PAFAH1B1: variants seen among roughly 807,000 people sequenced by gnomAD.
PAFAH1B1 encodes the protein platelet activating factor acetylhydrolase 1b regulatory subunit 1, also known as platelet-activating factor acetylhydrolase IB subunit beta.
PAFAH1B1 carries 2 observed loss-of-function variants against 57.5 expected under a neutral mutation model. The ratio of observed to expected loss-of-function variants is 0.03; its 90% CI spans 0.01 to 0.11. PAFAH1B1 has a LOEUF of 0.11. Ranked by LOEUF, PAFAH1B1 falls within the 10% of genes least tolerant of loss-of-function variation. PAFAH1B1 has a pLI of 1.00. For missense variants in PAFAH1B1, 257 were observed against 512.0 expected (o/e 0.50, Z 4.81); for synonymous variants, 152 against 169.6 (o/e 0.90, Z 0.81).
chr17:2,632,508 A>G (rs1019084216), intron 1 of PAFAH1B1, among the ~76,000 whole-genome samples: 6 of 152,076 alleles, frequency 3.9e-5, no homozygotes, highest in Non-Finnish European at 8.8e-5. Context: ...CATTTGTTTT[A>G]TAGGACTTTT....
intron 1 of PAFAH1B1, among the ~76,000 whole-genome samples, chr17:2,616,521 A>T (rs2068342970): frequency 6.6e-6 from 1 of 152,224 alleles, no homozygotes. Flanking sequence ...TTGGGAAATC[A>T]GTCTTTTCTT....
chr17:2,615,394 T>G (rs1372826506), intron 1 of PAFAH1B1, among the ~76,000 whole-genome samples: 3 of 152,176 alleles, frequency 2.0e-5, no homozygotes, highest in Non-Finnish European at 4.4e-5. Context: ...TTTAGAACCT[T>G]TAGGTGTTCA....
rs2068421993 is a variant in PAFAH1B1 at position 2,621,605 on chromosome 17, G to GTTTT, written c.-190-16493_-190-16492insTTTT. Among the ~76,000 whole-genome samples, 12 of 93,208 alleles carry GTTTT rather than the reference G, an allele frequency of 1.3e-4. 4 individuals are homozygous for GTTTT. Among genetic ancestry groups the GTTTT allele is most frequent in the African/African-American group, 4.7e-4 (10 of 21,296 alleles). The allele number at this position is 93,208 out of a possible 152,430, so 61.1% of individuals were successfully genotyped here. On this transcript the variant is annotated intron_variant, in intron 1 of 10. Coordinates refer to ENST00000397195, the MANE Select transcript of PAFAH1B1 (RefSeq NM_000430.4). Reference sequence around the variant, plus strand: ...GCTATTCAAGCATGGTAGATAATCTGTCTTTTTTTTTTTTTTTTTTTTTTT... The same window carrying GTTTT: ...GCTATTCAAGCATGGTAGATAATCTGTTTTTCTTTTTTTTTTTTTTTTTTTTTTT...
chr17:2,646,844 G>A (rs1271450143), intron 2 of PAFAH1B1, among the ~76,000 whole-genome samples: 1 of 152,098 alleles, frequency 6.6e-6, no homozygotes, highest in Non-Finnish European at 1.5e-5. Flanking sequence ...AAATCTTAAG[G>A]ACCATTTGCT....
At chr17:2,667,378 C>G in intron 5 of PAFAH1B1, 180 bp downstream of exon 5, 1 of 572,914 alleles carries the variant, frequency 1.7e-6, no homozygotes, top group South Asian at 1.9e-5. Context: ...ATTAAAAGAT[C>G]CTGAAAATGA....
intron 1 of PAFAH1B1, among the ~76,000 whole-genome samples, chr17:2,624,792 C>T (rs1462082337): frequency 2.0e-5 from 3 of 152,268 alleles, no homozygotes; most frequent in East Asian, 3.9e-4. Context: ...ATCTGCATGC[C>T]TCGGTCCATC....
chr17:2,606,314 A>G (rs965195288), intron 1 of PAFAH1B1, among the ~76,000 whole-genome samples: 2 of 152,098 alleles, frequency 1.3e-5, no homozygotes, highest in Non-Finnish European at 2.9e-5. Context: ...CCTGTCAGAA[A>G]GCCTATCATG....
chr17:2,620,957 A>T (rs1007930458), intron 1 of PAFAH1B1, among the ~76,000 whole-genome samples: 2 of 151,570 alleles, frequency 1.3e-5, no homozygotes, highest in African/African-American at 4.9e-5. Context: ...CAGCTTTTTT[A>T]AAAAATAGAT....
chr17:2,670,553 T>C (rs2069167761), intron 6 of PAFAH1B1, among the ~76,000 whole-genome samples: 4 of 152,224 alleles, frequency 2.6e-5, no homozygotes, highest in African/African-American at 9.6e-5. Context: ...AAAATATTTG[T>C]ATGAGTATTT....
intron 2 of PAFAH1B1, among the ~76,000 whole-genome samples, chr17:2,664,512 T>G (rs924589057): frequency 2.0e-5 from 3 of 151,956 alleles, no homozygotes; most frequent in African/African-American, 7.3e-5. Flanking sequence ...TTCAAGCAAT[T>G]CTTCTGCCTT....
At chr17:2,613,301 T>G (rs1597517062) in intron 1 of PAFAH1B1, 2 of 209,644 alleles carry the variant, frequency 9.5e-6, no homozygotes, top group Non-Finnish European at 2.1e-5. Flanking sequence ...CTGGGAAGGG[T>G]CTGGGGGCCC....
At chr17:2,676,900 C>A (rs575176802) in intron 9 of PAFAH1B1, among the ~76,000 whole-genome samples, 1 of 152,078 alleles carries the variant, frequency 6.6e-6, no homozygotes, top group African/African-American at 2.4e-5. Context: ...CGGTGGCTTA[C>A]GCCTGTAATC....
chr17:2,622,581 G>A (rs1447603575), intron 1 of PAFAH1B1, among the ~76,000 whole-genome samples: 6 of 152,152 alleles, frequency 3.9e-5, no homozygotes, highest in Admixed American at 1.3e-4. Context: ...CTGCTCCTGC[G>A]GCTTTGCAGG....
chr17:2,599,401 A>G (rs1051547600), intron 1 of PAFAH1B1, among the ~76,000 whole-genome samples: 1 of 152,180 alleles, frequency 6.6e-6, no homozygotes, highest in Non-Finnish European at 1.5e-5. Context: ...GGTGGTATTT[A>G]TTGCCTGCAT....
At chr17:2,679,394 ATGGATGGATGAT>A (rs1032709641) in intron 9 of PAFAH1B1, among the ~76,000 whole-genome samples, 6 of 150,886 alleles carry the variant, frequency 4.0e-5, no homozygotes, top group East Asian at 1.9e-4. Context: ...GGATGGATGG[ATGGATGGATGAT>A]TGGATGGATG....
At chr17:2,611,826 A>T (rs2068270939) in intron 1 of PAFAH1B1, among the ~76,000 whole-genome samples, 1 of 152,200 alleles carries the variant, frequency 6.6e-6, no homozygotes, top group Admixed American at 6.5e-5. Flanking sequence ...GGTTGAGGCA[A>T]CATCAGGGCA....
intron 2 of PAFAH1B1, among the ~76,000 whole-genome samples, chr17:2,643,967 CAA>C (rs566543834): frequency 7.9e-5 from 12 of 152,254 alleles, no homozygotes; most frequent in African/African-American, 1.9e-4. Flanking sequence ...TTTCTGGGCT[CAA>C]GAGATCCTCC....
chr17:2,629,145 T>C (rs562068127), intron 1 of PAFAH1B1, among the ~76,000 whole-genome samples: 46 of 152,254 alleles, frequency 3.0e-4, no homozygotes, highest in African/African-American at 1.1e-3. Flanking sequence ...TGGGTTTGGG[T>C]TTGGTTTGTT....
chr17:2,617,843 C>G (rs1286774529), intron 1 of PAFAH1B1, among the ~76,000 whole-genome samples: 8 of 151,970 alleles, frequency 5.3e-5, no homozygotes, highest in Non-Finnish European at 8.8e-5. Context: ...TTGCTTGAAC[C>G]TGGGAGGTGA....
Sources: gnomAD v4.1 joint callset for allele counts (sites outside exome capture counted in the v4.1 genomes callset) on GRCh38, gnomAD v4.1.1 for gene constraint, MANE v1.5 for transcripts, NCBI Gene and HGNC (gene_info 2026-07-23, HGNC 2026-07-21) for gene names.